Variants in ACAD11 observed in about 807,000 individuals in gnomAD.
ACAD11 encodes acyl-CoA dehydrogenase family member 11, also known as acyl-Coenzyme A dehydrogenase family, member 11.
A neutral mutation model predicts 102.2 loss-of-function variants in ACAD11; 83 were observed. That is an observed-to-expected ratio of 0.81 (90% confidence interval 0.68 to 0.97). The LOEUF is 0.97. ACAD11 is among the 50% of genes least tolerant of loss of function. The pLI is 0.00. For synonymous variants in ACAD11, 324 were observed against 319.8 expected (o/e 1.01, Z -0.14); for missense variants, 901 against 951.7 (o/e 0.95, Z 0.70).
intron 13 of ACAD11, among the ~76,000 whole-genome samples, chr3:132,597,020 A>G (rs899396416): frequency 2.6e-5 from 4 of 152,168 alleles, no homozygotes; most frequent in Admixed American, 6.5e-5. Context: ...AGCAGTCAGT[A>G]GCTCAGCTGC....
intron 1 of ACAD11, among the ~76,000 whole-genome samples, chr3:132,654,835 A>T (rs1395420917): frequency 6.6e-6 from 1 of 152,212 alleles, no homozygotes; most frequent in Admixed American, 6.5e-5. Context: ...ATTCCTAAGC[A>T]TTTAATTGGC....
intron 13 of ACAD11, among the ~76,000 whole-genome samples, chr3:132,587,298 C>T (rs1937883245): frequency 6.6e-6 from 1 of 152,076 alleles, no homozygotes; most frequent in Admixed American, 6.6e-5. Flanking sequence ...TTTAGAGTCC[C>T]TAGGATTGTT....
chr3:132,624,602 T>TA (rs113651845), intron 9 of ACAD11, among the ~76,000 whole-genome samples: 137,887 of 140,798 alleles, frequency 0.98, 67,529 homozygotes, highest in East Asian at 1. Flanking sequence ...AAGACTCCAT[T>TA]AAAAAAAAAA....
At chr3:132,596,971 G>A (rs1235862946) in intron 13 of ACAD11, among the ~76,000 whole-genome samples, 1 of 152,152 alleles carries the variant, frequency 6.6e-6, no homozygotes, top group Non-Finnish European at 1.5e-5. Flanking sequence ...ACCTACAAGT[G>A]CTGCCTAGAT....
intron 17 of ACAD11, among the ~76,000 whole-genome samples, chr3:132,565,648 G>A (rs981696950): frequency 6.6e-5 from 10 of 152,122 alleles, no homozygotes; most frequent in African/African-American, 1.7e-4. Context: ...CCTCCAAATC[G>A]CATATTGAAA....
At chr3:132,582,707 A>G (rs1937622822) in intron 13 of ACAD11, among the ~76,000 whole-genome samples, 1 of 151,920 alleles carries the variant, frequency 6.6e-6, no homozygotes, top group African/African-American at 2.4e-5. Flanking sequence ...CCTAAAATAG[A>G]TATTATCTGA....
intron 13 of ACAD11, among the ~76,000 whole-genome samples, chr3:132,589,259 T>C (rs1327562156): frequency 6.6e-6 from 1 of 152,218 alleles, no homozygotes; most frequent in Non-Finnish European, 1.5e-5. Context: ...CTGAATGGAC[T>C]ATGACAAAAT....
In ACAD11 at chr3:132,603,299, C is replaced by T. The variant is rs142478069; in HGVS notation, c.1551G>A (p.Thr517=). The part of the protein sequence containing the change: ...TEPDVASSDA[T]NIECSIQRDE... ...CTCGTTGGATGCTGCATTCAATATT[C>T]GTGGCATCACTTGAAGCTACATCAG... The change falls in exon 13 of 20, where the codon ACG becomes ACA. Residue 517 remains threonine (T), a synonymous_variant. Coordinates refer to ENST00000264990, the MANE Select transcript of ACAD11 (RefSeq NM_032169.5). The T allele has an allele frequency of 6.7e-4, 1,074 of 1,613,870 alleles. 20 individuals are homozygous for T. The South Asian group carries it at 9.4e-3, about 14-fold the overall frequency.
intron 13 of ACAD11, 38 bp downstream of exon 13, chr3:132,603,191 T>A (rs1938690386): frequency 1.4e-6 from 2 of 1,443,324 alleles, no homozygotes; most frequent in Non-Finnish European, 2.0e-6. Context: ...GAACAAAGGA[T>A]CAGTGTGTTA....
At chr3:132,658,912 T>G (rs537055867) in intron 1 of ACAD11, among the ~76,000 whole-genome samples, 39 of 152,330 alleles carry the variant, frequency 2.6e-4, no homozygotes, top group Middle Eastern at 3.4e-3. Flanking sequence ...TTATGTAACA[T>G]ATTTAAACTC....
At chr3:132,632,139 A>G (rs922385857) in intron 5 of ACAD11, among the ~76,000 whole-genome samples, 3 of 150,272 alleles carry the variant, frequency 2.0e-5, no homozygotes, top group Admixed American at 6.6e-5. Flanking sequence ...GCTGGAGTGC[A>G]GTGGCGCGAT....
chr3:132,621,027 G>C (rs1281749987), intron 9 of ACAD11: 3 of 152,194 alleles, frequency 2.0e-5, no homozygotes, highest in Non-Finnish European at 4.4e-5. Flanking sequence ...AGGCAAATAT[G>C]AGTGGTAAAG....
chr3:132,605,155 T>G lies in ACAD11; in HGVS notation c.1465A>C (p.Lys489Gln). The change falls in exon 12 of 20, where the codon AAA becomes CAA. Residue 489 changes from lysine (K) to glutamine (Q), a missense_variant. Physicochemically the swap from Lys to Gln is moderately conservative, Grantham distance 53. Transcript: ENST00000264990. Reference protein sequence around the residue: ...LHLYGSEEQKKQWLEPLLQGN... With the variant: ...LHLYGSEEQKQQWLEPLLQGN... ...TGAAGAAGAGGCTCAAGCCACTGTT[T>G]CTTCTGTTCCTCACTTCCATACAGG... The G allele has an allele frequency of 6.2e-7, 1 of 1,613,828 alleles. No individual in the cohort carries two copies. The highest frequency in any genetic ancestry group is 1.1e-5 in the South Asian group (1 of 91,074).
chr3:132,598,249 A>G (rs1418997857), intron 13 of ACAD11, among the ~76,000 whole-genome samples: 1 of 152,250 alleles, frequency 6.6e-6, no homozygotes, highest in Non-Finnish European at 1.5e-5. Context: ...ATTATTTTAT[A>G]CATTCCAAAA....
rs142986340 is a variant in ACAD11 at position 132,590,537 on chromosome 3, G to A, written c.1622-10979C>T. ...GCTGGGATTACAGGCATGATCCACCGTGCCCGGCCAGTAGTTCTGTATTTA... is the reference window on the plus strand; with the variant it reads ...GCTGGGATTACAGGCATGATCCACCATGCCCGGCCAGTAGTTCTGTATTTA... On this transcript the variant is annotated intron_variant, in intron 13 of 19. Coordinates refer to ENST00000264990, the MANE Select transcript of ACAD11 (RefSeq NM_032169.5). Among the ~76,000 whole-genome samples, 553 of 152,188 alleles carry A rather than the reference G, an allele frequency of 3.6e-3. 1 individual carries two copies. Among genetic ancestry groups the A allele is most frequent in the Non-Finnish European group, 5.4e-3 (367 of 67,988 alleles).
chr3:132,647,176 A>T (rs1559977120), intron 1 of ACAD11: 1 of 152,200 alleles, frequency 6.6e-6, no homozygotes, highest in Non-Finnish European at 1.5e-5. Context: ...ACAAAAAAAA[A>T]TTGCAGAAGC....
chr3:132,651,328 T>A (rs1940923929), intron 1 of ACAD11, among the ~76,000 whole-genome samples: 1 of 152,154 alleles, frequency 6.6e-6, no homozygotes, highest in Non-Finnish European at 1.5e-5. Flanking sequence ...TAATTCACTA[T>A]TACTCTCATT....
At chr3:132,635,776 T>C (rs1940251197) in intron 5 of ACAD11, among the ~76,000 whole-genome samples, 2 of 152,126 alleles carry the variant, frequency 1.3e-5, no homozygotes, top group Admixed American at 6.6e-5. Context: ...ATCAAAACTT[T>C]GCCATTGTTA....
intron 1 of ACAD11, among the ~76,000 whole-genome samples, chr3:132,646,780 G>A (rs943597380): frequency 4.6e-5 from 7 of 152,168 alleles, no homozygotes; most frequent in Non-Finnish European, 7.3e-5. Flanking sequence ...ATAAAATGCC[G>A]ATCCATGCTA....
Sources: allele counts gnomAD v4.1 joint callset (sites outside exome capture counted in the v4.1 genomes callset), GRCh38; gene constraint gnomAD v4.1.1; transcripts MANE v1.5; gene names NCBI Gene and HGNC (gene_info 2026-07-23, HGNC 2026-07-21).